The following SLC24A3 variants were observed in gnomAD, a reference collection of about 807,000 sequenced individuals.
SLC24A3 encodes solute carrier family 24 member 3.
A neutral mutation model predicts 75.8 loss-of-function variants in SLC24A3; 28 were observed. That is an observed-to-expected ratio of 0.37 (90% CI 0.27 to 0.51). The LOEUF (loss-of-function observed/expected upper bound fraction) is 0.51. Ranked by LOEUF, SLC24A3 falls within the 20% of genes least tolerant of loss-of-function variation. The pLI, the probability that SLC24A3 is intolerant of heterozygous loss-of-function variation, is 0.94. For missense variants in SLC24A3, 663 were observed against 847.8 expected, an observed-to-expected ratio of 0.78 and a Z score of 2.71; for synonymous variants, 372 against 334.1, an observed-to-expected ratio of 1.11 and a Z score of -1.24.
At chr20:19,653,717 A>G (rs1911659678) in intron 6 of SLC24A3, among the ~76,000 whole-genome samples, 1 of 152,162 alleles carries the variant, frequency 6.6e-6, no homozygotes, top group African/African-American at 2.4e-5. Context: ...CACCTTCCTC[A>G]GACTGCGTGC....
chr20:19,231,010 T>A (rs908423927), intron 1 of SLC24A3, among the ~76,000 whole-genome samples: 1 of 152,204 alleles, frequency 6.6e-6, no homozygotes, highest in Non-Finnish European at 1.5e-5. Flanking sequence ...GTCTTAGTAT[T>A]TTTTAGGCTT....
At chr20:19,334,536 A>G (rs539917853) in intron 2 of SLC24A3, among the ~76,000 whole-genome samples, 1 of 152,292 alleles carries the variant, frequency 6.6e-6, no homozygotes, top group South Asian at 2.1e-4. Context: ...AAAGTTGGCT[A>G]GTTTTCAAAC....
chr20:19,547,515 T>C (rs148633446), intron 3 of SLC24A3, among the ~76,000 whole-genome samples: 1 of 152,314 alleles, frequency 6.6e-6, no homozygotes, highest in Non-Finnish European at 1.5e-5. Flanking sequence ...CTACAATGGG[T>C]GGATTTTGTG....
At chr20:19,548,510 G>A (rs2030639923) in intron 3 of SLC24A3, among the ~76,000 whole-genome samples, 1 of 152,164 alleles carries the variant, frequency 6.6e-6, no homozygotes, top group Non-Finnish European at 1.5e-5. Context: ...CACAAACTTA[G>A]AAGCTTAAAA....
chr20:19,334,645 A>G (rs981407034), intron 2 of SLC24A3, among the ~76,000 whole-genome samples: 2 of 152,190 alleles, frequency 1.3e-5, no homozygotes, highest in African/African-American at 4.8e-5. Flanking sequence ...AGGCAACCCA[A>G]GTCAAGCCAA....
intron 2 of SLC24A3, among the ~76,000 whole-genome samples, chr20:19,349,305 C>T (rs970208586): frequency 6.6e-6 from 1 of 152,200 alleles, no homozygotes; most frequent in East Asian, 1.9e-4. Flanking sequence ...CATTCAGCCA[C>T]ACTAGCTGAG....
In SLC24A3 at chr20:19,551,380, G is replaced by A. The variant is rs377191574; in HGVS notation, c.349-28620G>A. 6.6e-5 allele frequency among the ~76,000 whole-genome samples: 10 copies of A among 152,262 alleles called. 2 individuals are homozygous for A. On this transcript the variant is annotated intron_variant, in intron 3 of 16. Coordinates refer to ENST00000328041, the MANE Select transcript of SLC24A3 (RefSeq NM_020689.4). ...TGAGGTTGGATGGACAAGACCCTTG[G>A]AGAAGAAATCAAGAAATGGAGAAGC...
At chr20:19,621,399 G>T (rs559022704) in intron 6 of SLC24A3, among the ~76,000 whole-genome samples, 2 of 152,150 alleles carry the variant, frequency 1.3e-5, no homozygotes, top group Non-Finnish European at 2.9e-5. Flanking sequence ...TTTGTAGAAG[G>T]GTTGTTGGTT....
At chr20:19,571,516 G>A (rs1272675387) in intron 3 of SLC24A3, among the ~76,000 whole-genome samples, 1 of 152,146 alleles carries the variant, frequency 6.6e-6, no homozygotes, top group African/African-American at 2.4e-5. Context: ...TTTTCCTGCT[G>A]AAAAATTTCT....
chr20:19,318,136 G>A (rs1984626044), intron 2 of SLC24A3, among the ~76,000 whole-genome samples: 1 of 152,156 alleles, frequency 6.6e-6, no homozygotes, highest in Admixed American at 6.5e-5. Flanking sequence ...TGACTCTGAG[G>A]CACGAGTCTG....
At chr20:19,375,158 CT>C (rs747710440) in intron 2 of SLC24A3, among the ~76,000 whole-genome samples, 7 of 152,102 alleles carry the variant, frequency 4.6e-5, no homozygotes, top group Non-Finnish European at 1.0e-4. Flanking sequence ...TCAGGGTTTG[CT>C]TCTGGGAGAA....
At chr20:19,296,289 A>G (rs866140625) in intron 2 of SLC24A3, among the ~76,000 whole-genome samples, 25 of 61,458 alleles carry the variant, frequency 4.1e-4, no homozygotes, top group Non-Finnish European at 1.4e-4. Context: ...TTTTTTTTCA[A>G]AAAAAAATAG....
chr20:19,505,280 T>C (rs60932248), intron 2 of SLC24A3, among the ~76,000 whole-genome samples: 3,733 of 152,288 alleles, frequency 0.025, 165 homozygotes, highest in African/African-American at 0.084. Context: ...TCAATCTGCA[T>C]TCAGGAGTGA....
chr20:19,588,255 G>A (rs1744603349), intron 6 of SLC24A3, among the ~76,000 whole-genome samples: 1 of 152,202 alleles, frequency 6.6e-6, no homozygotes, highest in Admixed American at 6.5e-5. Flanking sequence ...ATTGGGAATT[G>A]AAGCGATTAA....
intron 2 of SLC24A3, among the ~76,000 whole-genome samples, chr20:19,407,577 C>T (rs193138187): frequency 2.0e-5 from 3 of 152,108 alleles, no homozygotes; most frequent in South Asian, 2.1e-4. Context: ...AAATGAATCA[C>T]GGAAGTGTCT....
At chr20:19,573,498 A>G (rs1306119325) in intron 3 of SLC24A3, among the ~76,000 whole-genome samples, 1 of 152,224 alleles carries the variant, frequency 6.6e-6, no homozygotes, top group Admixed American at 6.5e-5. Context: ...AGGGAAGCAC[A>G]TGGCTTCAAG....
At chr20:19,217,053 T>C (rs537014638) in intron 1 of SLC24A3, among the ~76,000 whole-genome samples, 31 of 152,306 alleles carry the variant, frequency 2.0e-4, no homozygotes, top group African/African-American at 6.5e-4. Context: ...GCGATCTCTT[T>C]ATGTGGCTCA....
chr20:19,586,192 G>A (rs1199653428), intron 6 of SLC24A3, among the ~76,000 whole-genome samples: 1 of 152,150 alleles, frequency 6.6e-6, no homozygotes, highest in Admixed American at 6.5e-5. Context: ...GCCACTGCGT[G>A]GGAGGCTCTG....
At chr20:19,588,826 C>A (rs2031334143) in intron 6 of SLC24A3, among the ~76,000 whole-genome samples, 1 of 152,190 alleles carries the variant, frequency 6.6e-6, no homozygotes, top group Non-Finnish European at 1.5e-5. Flanking sequence ...GATTTAAATG[C>A]CTAACCACAA....
Sources: allele counts gnomAD v4.1 joint callset (sites outside exome capture counted in the v4.1 genomes callset), GRCh38; gene constraint gnomAD v4.1.1; transcripts MANE v1.5; gene names NCBI Gene and HGNC (gene_info 2026-07-23, HGNC 2026-07-21).